Variants in B4GALNT4 observed in about 807,000 individuals in gnomAD.
The protein encoded by B4GALNT4 is N-acetyl-beta-glucosaminyl-glycoprotein 4-beta-N-acetylgalactosaminyltransferase 1.
In B4GALNT4, 77 loss-of-function variants were observed where a neutral mutation model predicts 110.0. That is an observed-to-expected ratio of 0.70 (90% CI 0.58 to 0.85). The LOEUF is 0.85. B4GALNT4 is among the 40% of genes least tolerant of loss of function. The pLI is 0.00. For missense variants in B4GALNT4, 1,575 were observed against 1,506.0 expected, an observed-to-expected ratio of 1.05 and a Z score of -0.76; for synonymous variants, 785 against 655.5, an observed-to-expected ratio of 1.20 and a Z score of -3.02.
In B4GALNT4 at chr11:375,678, C is replaced by T. The variant is rs756413398; in HGVS notation, c.890C>T (p.Pro297Leu). Residue 297 changes from proline to leucine, a missense_variant, in exon 10 of 20, where the codon CCC becomes CTC. By Grantham distance (98) the Pro-to-Leu change is moderately conservative. Coordinates refer to ENST00000329962, the MANE Select transcript of B4GALNT4 (RefSeq NM_178537.5). Reference sequence around the variant, plus strand: ...AAGATGGACCACGTGGCGCACGTCCCCCAGTCTCCAGCCAGCCACGTGGGG... The same window carrying T: ...AAGATGGACCACGTGGCGCACGTCCTCCAGTCTCCAGCCAGCCACGTGGGG... ...ALKMDHVAHVPQSPASHVGGR... is the reference protein window; with the variant it reads ...ALKMDHVAHVLQSPASHVGGR... 1 of 1,594,056 alleles carries T rather than the reference C, an allele frequency of 6.3e-7. No individual in the cohort carries two copies. The highest frequency in any genetic ancestry group is 8.5e-7 in the Non-Finnish European group (1 of 1,175,090).
chr11:380,093 A>ACC (rs1564872703), intron 16 of B4GALNT4, 37 bp from the exon 17 acceptor site: 1 of 1,590,446 alleles, frequency 6.3e-7, no homozygotes, highest in Non-Finnish European at 8.6e-7. Context: ...TCCTGACCCC[A>ACC]CCCCCAGAGA....
chr11:373,094 T>A lies in B4GALNT4; in HGVS notation c.513T>A (p.Gly171=), dbSNP rs1271573674. The A allele has an allele frequency of 2.5e-6, 4 of 1,611,534 alleles. No homozygotes were observed. The highest frequency in any genetic ancestry group is 3.4e-6 in the Non-Finnish European group (4 of 1,179,732). Residue 171 remains glycine (G), a synonymous_variant, in exon 5 of 20, where the codon GGT becomes GGA. Coordinates refer to ENST00000329962, the MANE Select transcript of B4GALNT4 (RefSeq NM_178537.5). ...AGAACTATGGACTCCGTATTTTTGGTTTCATCCACCCGGCGAGGGACGGTA... is the reference window on the plus strand; with the variant it reads ...AGAACTATGGACTCCGTATTTTTGGATTCATCCACCCGGCGAGGGACGGTA... ...KWKNYGLRIF[G]FIHPARDGDV...
chr11:380,209 G>C lies in B4GALNT4; in HGVS notation c.2715+7G>C. 6.2e-7 allele frequency: 1 copy of C among 1,603,268 alleles called. No individual in the cohort carries two copies. Among genetic ancestry groups the C allele is most frequent in the Non-Finnish European group, 8.5e-7 (1 of 1,172,914 alleles). The stretch of plus-strand genomic sequence containing the variant: ...GGGAGTGGACGCGGTAGAGGTCCGA[G>C]GGCCCCATGGGGGTCGGGGAGCAAA... On this transcript the variant is annotated splice_region_variant and intron_variant, in intron 17 of 19. Coordinates refer to ENST00000329962, the MANE Select transcript of B4GALNT4 (RefSeq NM_178537.5).
rs772155774 is a variant in B4GALNT4, at chr11:382,101, A to AT, written c.*317dup. The AT allele has an allele frequency of 6.9e-5, 16 of 231,772 alleles. No homozygotes were observed. The highest frequency in any genetic ancestry group is 1.1e-4 in the East Asian group (1 of 9,310). The allele number at this position is 231,772 out of a possible 1,614,324, so 14.4% of individuals were successfully genotyped here. On this transcript the variant is annotated 3_prime_UTR_variant, in exon 20 of 20. Transcript: ENST00000329962. ...TTTTTTATTCAGAATGAAATGAAAT[A>AT]TTTTTTTTAGTTCTGACTAGTCCTC... is the stretch of plus-strand genomic sequence containing the variant.
chr11:381,202 C>A lies in B4GALNT4; in HGVS notation c.2996+251C>A, dbSNP rs1846868724. 3 of 933,304 alleles carry A rather than the reference C, an allele frequency of 3.2e-6. No homozygotes were observed. The South Asian group carries it at 1.5e-4, about 46-fold the overall frequency. The allele number at this position is 933,304 out of a possible 1,614,324, so 57.8% of individuals were successfully genotyped here. ...CCAGCTCTGCCCCCGATCCCATAGG[C>A]CCTGGGTGGCCCTGAGTCCCCATCA... On this transcript the variant is annotated intron_variant, in intron 19 of 19. Coordinates refer to ENST00000329962, the MANE Select transcript of B4GALNT4 (RefSeq NM_178537.5).
chr11:379,828 G>T, intron 15 of B4GALNT4, 38 bp from the exon 16 acceptor site: 1 of 1,560,214 alleles, frequency 6.4e-7, no homozygotes. Flanking sequence ...CGTAGAGTCA[G>T]CGTCGGCTCA....
chr11:373,388 T>C lies in B4GALNT4; in HGVS notation c.637-61T>C, dbSNP rs371796139. On this transcript the variant is annotated intron_variant, in intron 6 of 19. Coordinates refer to ENST00000329962, the MANE Select transcript of B4GALNT4 (RefSeq NM_178537.5). ...GGGAATGAGGACCCGATGGGTTTGG[T>C]GTCCCCAGGGAGAGAGTGAACCCCC... is the stretch of plus-strand genomic sequence containing the variant. 2,927 of 1,525,662 alleles carry C rather than the reference T, an allele frequency of 1.9e-3. 8 individuals carry two copies. The highest frequency in any genetic ancestry group is 4.0e-3 in the South Asian group (355 of 88,474). 94.5% of individuals were successfully genotyped at this position (1,525,662 alleles called of 1,614,324 possible).
At chr11:380,070 G>C in intron 16 of B4GALNT4, 51 bp downstream of exon 16, 2 of 1,597,318 alleles carry the variant, frequency 1.3e-6, no homozygotes, top group Middle Eastern at 1.7e-4. Flanking sequence ...TTTCCTCCCC[G>C]GGAGATGGGT....
In B4GALNT4 at chr11:369,636, G is replaced by T. The variant is rs1213579799; in HGVS notation, c.-168G>T. ...CGGGCCCGCGGCCGAGGGCGGCCTG[G>T]GGGGGTCGCGGCCGCACCCGGTGGC... On this transcript the variant is annotated 5_prime_UTR_variant, in exon 1 of 20. Transcript: ENST00000329962. Among the ~76,000 whole-genome samples, 5 of 144,430 alleles carry T rather than the reference G, an allele frequency of 3.5e-5. No individual in the cohort carries two copies. The highest frequency in any genetic ancestry group is 3.4e-4 in the Admixed American group (5 of 14,620). The allele number at this position is 144,430 out of a possible 152,430, so 94.8% of individuals were successfully genotyped here. A position where few individuals can be genotyped will look rare whatever the true frequency, so the allele number is the denominator to read the frequency against.
Position 376,681 on chromosome 11 carries a change from C to G in B4GALNT4, c.1558C>G (p.Gln520Glu). 1 of 1,427,250 alleles carries G rather than the reference C, an allele frequency of 7.0e-7. No homozygotes were observed. The highest frequency in any genetic ancestry group is 9.1e-7 in the Non-Finnish European group (1 of 1,094,960). 88.4% of individuals were successfully genotyped at this position (1,427,250 alleles called of 1,614,324 possible). ...RAPPPRPAVE[Q>E]PPPKVYVTRV... Reference sequence around the variant, plus strand: ...TCCGCCCCCGCGCCCTGCAGTGGAGCAGCCGCCCCCAAAGGTGTACGTGAC... The same window carrying G: ...TCCGCCCCCGCGCCCTGCAGTGGAGGAGCCGCCCCCAAAGGTGTACGTGAC... Residue 520 changes from glutamine to glutamate, a missense_variant, in exon 14 of 20, where the codon CAG becomes GAG. Gln to Glu is a conservative substitution (Grantham distance 29, BLOSUM62 2). Transcript: ENST00000329962.
At chr11:372,543 G>T in intron 2 of B4GALNT4, 119 bp from the exon 3 acceptor site, 1 of 899,954 alleles carries the variant, frequency 1.1e-6, no homozygotes. Flanking sequence ...TGGGGCTCAC[G>T]GGCATTTAGG....
At position 376,655 on chromosome 11, in the gene B4GALNT4, C is replaced by G; in HGVS notation, c.1532C>G (p.Ala511Gly). The stretch of plus-strand genomic sequence containing the variant: ...CCTTTGCCGCTCTTCTTGGGCCGAG[C>G]TCCGCCCCCGCGCCCTGCAGTGGAG... ...ARPLPLFLGR[A>G]PPPRPAVEQP... Residue 511 changes from alanine to glycine, a missense_variant, in exon 14 of 20, where the codon GCT (alanine) becomes GGT (glycine). Transcript: ENST00000329962. 7.0e-7 allele frequency: 1 copy of G among 1,429,564 alleles called. No individual in the cohort carries two copies. The highest frequency in any genetic ancestry group is 9.1e-7 in the Non-Finnish European group (1 of 1,093,736). The allele number at this position is 1,429,564 out of a possible 1,614,324, so 88.6% of individuals were successfully genotyped here.
chr11:377,191 GC>G lies in B4GALNT4; in HGVS notation c.2070del (p.Val691TrpfsTer31). ...IDWQRTFSVG[A>X]VDFELLRSDW... ...CTGGCAGCGCACGTTCAGCGTGGGC[GC>G]CGTGGACTTCGAGCTGCTGCGCTCG... On this transcript the variant is annotated frameshift_variant, in exon 14 of 20. Transcript: ENST00000329962. LOFTEE classifies it high-confidence loss of function. 6.3e-7 allele frequency: 1 copy of G among 1,586,578 alleles called. No individual in the cohort carries two copies. Among genetic ancestry groups the G allele is most frequent in the Non-Finnish European group, 8.6e-7 (1 of 1,167,926 alleles).
rs750561640 is a variant in B4GALNT4 at position 373,761 on chromosome 11, C to T, written c.716C>T (p.Ser239Phe). The T allele has an allele frequency of 5.6e-6, 9 of 1,612,320 alleles. No individual in the cohort carries two copies. Among genetic ancestry groups the T allele is most frequent in the Middle Eastern group, 1.7e-4 (1 of 6,060 alleles). ...CCTCGTGTCCCCAGGCTCATGGCCTCCCGGAGGTACTACTTTGAGTTGCTG... is the reference window on the plus strand; with the variant it reads ...CCTCGTGTCCCCAGGCTCATGGCCTTCCGGAGGTACTACTTTGAGTTGCTG... ...QVSKPRRLMA[S>F]RRYYFELLHK... is the part of the protein sequence containing the mutation. The change falls in exon 8 of 20, where the codon TCC becomes TTC. Residue 239 changes from serine to phenylalanine, a missense_variant. Coordinates refer to ENST00000329962, the MANE Select transcript of B4GALNT4 (RefSeq NM_178537.5).
In B4GALNT4 at chr11:379,629, G is replaced by C; in HGVS notation, c.2416G>C (p.Gly806Arg). Residue 806 changes from glycine (G) to arginine (R), a missense_variant, in exon 15 of 20, where the codon GGC (glycine) becomes CGC (arginine). By Grantham distance (125) the Gly-to-Arg change is moderately radical. Coordinates refer to ENST00000329962, the MANE Select transcript of B4GALNT4 (RefSeq NM_178537.5). ...TCCCGCCGCCTCCGTGCGCCCCGAC[G>C]GCCGCCCCGAGCTCTGCCGGCCACT... The part of the protein sequence containing the change: ...PAPAASVRPD[G>R]RPELCRPLRL... The C allele has an allele frequency of 6.6e-7, 1 of 1,520,828 alleles. No individual in the cohort carries two copies. Among genetic ancestry groups the C allele is most frequent in the South Asian group, 1.3e-5 (1 of 79,084 alleles). The allele number at this position is 1,520,828 out of a possible 1,614,324, so 94.2% of individuals were successfully genotyped here. A position where few individuals can be genotyped will look rare whatever the true frequency, so the allele number is the denominator to read the frequency against.
In B4GALNT4 at chr11:375,730, C is replaced by G. The variant is rs749741035; in HGVS notation, c.942C>G (p.Ser314Arg). The change falls in exon 10 of 20, where the codon AGC (serine) becomes AGG (arginine). Residue 314 changes from serine (S) to arginine (R), a missense_variant. Physicochemically the swap from Ser to Arg is moderately radical, Grantham distance 110. Coordinates refer to ENST00000329962, the MANE Select transcript of B4GALNT4 (RefSeq NM_178537.5). ...VGGRPPQEET[S>R]ADMLRPDPRD... ...GGCGTCCGCCGCAGGAGGAGACCAG[C>G]GCAGACATGCTGCGGCCAGATCCCA... 4 of 1,596,586 alleles carry G rather than the reference C, an allele frequency of 2.5e-6. No homozygotes were observed. The highest frequency in any genetic ancestry group is 1.3e-5 in the African/African-American group (1 of 74,794).
Position 379,602 on chromosome 11 carries a change from G to C in B4GALNT4, c.2389G>C (p.Ala797Pro), listed in dbSNP as rs1416349953. 6.4e-7 allele frequency: 1 copy of C among 1,556,276 alleles called. No homozygotes were observed. The highest frequency in any genetic ancestry group is 1.4e-5 in the African/African-American group (1 of 72,286). The part of the protein sequence containing the change: ...GDADGESPEP[A>P]PAASVRPDGR... ...TGCAGACGGAGAAAGTCCCGAACCC[G>C]CTCCCGCCGCCTCCGTGCGCCCCGA... The change falls in exon 15 of 20, where the codon GCT becomes CCT. Residue 797 changes from alanine (A) to proline (P), a missense_variant. Coordinates refer to ENST00000329962, the MANE Select transcript of B4GALNT4 (RefSeq NM_178537.5).
At chr11:370,012 G>GGCGCGGGC (rs1564866468) in intron 1 of B4GALNT4, 58 bp downstream of exon 1, 4 of 135,024 alleles carry the variant, frequency 3.0e-5, no homozygotes, top group African/African-American at 1.4e-4. Context: ...GGGGCGCGGG[G>GGCGCGGGC]GGCGCGGGCG....
In B4GALNT4 at chr11:381,937, C is replaced by CACGACGCCCA; in HGVS notation, c.*145_*146insACGACGCCCA. On this transcript the variant is annotated 3_prime_UTR_variant, in exon 20 of 20. Coordinates refer to ENST00000329962, the MANE Select transcript of B4GALNT4 (RefSeq NM_178537.5). ...GCCTGCCCCTCTCTGGCCCACTGGG[C>CACGACGCCCA]GTCGTGCCCCTCCCCGGAGAGGCAG... 1 of 992,044 alleles carries CACGACGCCCA rather than the reference C, an allele frequency of 1.0e-6. No individual in the cohort carries two copies. Among genetic ancestry groups the CACGACGCCCA allele is most frequent in the Non-Finnish European group, 1.4e-6 (1 of 734,248 alleles). 61.5% of individuals were successfully genotyped at this position (992,044 alleles called of 1,614,324 possible).
Sources: gnomAD v4.1 joint callset for allele counts (sites outside exome capture counted in the v4.1 genomes callset) on GRCh38, gnomAD v4.1.1 for gene constraint, MANE v1.5 for transcripts, NCBI Gene and HGNC (gene_info 2026-07-23, HGNC 2026-07-21) for gene names.